The following ERCC6L variants were observed in gnomAD, a reference collection of about 807,000 sequenced individuals.
ERCC6L encodes the protein DNA excision repair protein ERCC-6-like.
A neutral mutation model predicts 20.1 loss-of-function variants in ERCC6L; 7 were observed. The observed-to-expected ratio is 0.35, with a 90% CI of 0.20 to 0.65. ERCC6L has a LOEUF of 0.65. ERCC6L is among the 30% of genes least tolerant of loss of function. The pLI is 0.69. For synonymous variants in ERCC6L, 278 were observed against 331.3 expected (o/e 0.84, Z 1.75); for missense variants, 592 against 892.4 (o/e 0.66, Z 4.29).
intron 1 of ERCC6L, among the ~76,000 whole-genome samples, chrX:72,219,773 C>T (rs978065494): frequency 3.8e-5 from 4 of 105,792 alleles, no homozygotes; most frequent in Non-Finnish European, 7.7e-5. Context: ...CACTTGAACC[C>T]GGGAGGCAGA....
At position 72,204,971 on chromosome X, in the gene ERCC6L, CAT is replaced by C. The variant is rs1168385625; in HGVS notation, c.*41_*42del. 6.6e-6 allele frequency: 7 copies of C among 1,064,428 alleles called. No homozygotes were observed. The Middle Eastern group carries it at 1.3e-3, about 204-fold the overall frequency. The allele number at this position is 1,064,428 out of a possible 1,213,427, so 87.7% of individuals were successfully genotyped here. A position where few individuals can be genotyped will look rare whatever the true frequency, so the allele number is the denominator to read the frequency against. On this transcript the variant is annotated 3_prime_UTR_variant, in exon 2 of 2. Coordinates refer to ENST00000334463, the MANE Select transcript of ERCC6L (RefSeq NM_017669.4). The stretch of plus-strand genomic sequence containing the variant: ...CCAATTATGGGAACAAAAATTCCCT[CAT>C]ATTCAGTTTCACTTTAAAATACAAT...
At chrX:72,218,739 G>T (rs1227041080) in intron 1 of ERCC6L, among the ~76,000 whole-genome samples, 1 of 111,551 alleles carries the variant, frequency 9.0e-6, no homozygotes, top group African/African-American at 3.3e-5. Context: ...AAAAAAGCCA[G>T]CTGAGATTTT....
intron 1 of ERCC6L, among the ~76,000 whole-genome samples, chrX:72,219,193 T>G (rs1003678861): frequency 2.7e-5 from 3 of 109,893 alleles, no homozygotes; most frequent in African/African-American, 1.0e-4. Context: ...GAGGTGGAGG[T>G]TGCAGAGAGC....
intron 1 of ERCC6L, among the ~76,000 whole-genome samples, chrX:72,238,152 GGAT>G (rs1395463402): frequency 9.0e-6 from 1 of 111,626 alleles, no homozygotes; most frequent in African/African-American, 3.3e-5. Flanking sequence ...AAAATGGTTA[GGAT>G]GATAAACTTT....
chrX:72,214,339 C>T (rs975854724), intron 1 of ERCC6L, among the ~76,000 whole-genome samples: 1 of 112,333 alleles, frequency 8.9e-6, no homozygotes, highest in African/African-American at 3.2e-5. Context: ...CCCTGCTTAG[C>T]GCCATTTATA....
intron 1 of ERCC6L, among the ~76,000 whole-genome samples, chrX:72,218,400 G>A (rs761999015): frequency 4.5e-5 from 5 of 110,923 alleles, no homozygotes; most frequent in Non-Finnish European, 9.4e-5. Flanking sequence ...GAGGCACCAC[G>A]GTCGGCTAAA....
At position 72,205,220 on chromosome X, in the gene ERCC6L, C is replaced by G. The variant is rs1190654281; in HGVS notation, c.3547G>C (p.Glu1183Gln). ...SLGAPEPLSG[E>Q]QLVGSPQDKA... ...TCCTGGGGAGAACCAACCAACTGTTCACCAGACAAAGGCTCAGGGGCACCA... is the reference window on the plus strand; with the variant it reads ...TCCTGGGGAGAACCAACCAACTGTTGACCAGACAAAGGCTCAGGGGCACCA... Residue 1183 changes from glutamate to glutamine, a missense_variant, in exon 2 of 2, where the codon GAA becomes CAA. Glu to Gln is a conservative substitution (Grantham distance 29). Around this residue, in one of 3 missense-constraint regions of ERCC6L, gnomAD observed 352 missense variants for 402.6 expected, o/e 0.87. Coordinates refer to ENST00000334463, the MANE Select transcript of ERCC6L (RefSeq NM_017669.4). 1.7e-6 allele frequency: 2 copies of G among 1,211,779 alleles called. No homozygotes were observed. The highest frequency in any genetic ancestry group is 2.2e-5 in the Admixed American group (1 of 45,988).
chrX:72,205,739 G>T lies in ERCC6L; in HGVS notation c.3028C>A (p.Pro1010Thr), dbSNP rs1474162780. ...TTTGCTTTAACTACTACTTCTTCTG[G>T]TTCATCGTCTTTCTCAGAAAACTCC... ...SWEFSEKDDEPEEVVVKAKIR... is the reference protein window; with the variant it reads ...SWEFSEKDDETEEVVVKAKIR... The change falls in exon 2 of 2, where the codon CCA (proline) becomes ACA (threonine). Residue 1010 changes from proline (P) to threonine (T), a missense_variant. Around this residue, in one of 3 missense-constraint regions of ERCC6L, gnomAD observed 352 missense variants for 402.6 expected, o/e 0.87. Transcript: ENST00000334463. 1.7e-6 allele frequency: 2 copies of T among 1,211,192 alleles called. No individual in the cohort carries two copies. Among genetic ancestry groups the T allele is most frequent in the South Asian group, 3.5e-5 (2 of 56,956 alleles).
intron 1 of ERCC6L, among the ~76,000 whole-genome samples, chrX:72,222,599 T>C (rs920447614): frequency 3.7e-4 from 38 of 104,060 alleles, no homozygotes; most frequent in East Asian, 9.3e-4. Flanking sequence ...TCCAGCCTTT[T>C]TTTTTTTTTT....
intron 1 of ERCC6L, among the ~76,000 whole-genome samples, chrX:72,222,396 C>G (rs968925414): frequency 1.8e-5 from 2 of 111,416 alleles, no homozygotes; most frequent in Non-Finnish European, 3.8e-5. Flanking sequence ...CATAACCAAG[C>G]CCCTATATAA....
At position 72,206,447 on chromosome X, in the gene ERCC6L, T is replaced by C; in HGVS notation, c.2320A>G (p.Ser774Gly). 8 of 1,211,003 alleles carry C rather than the reference T, an allele frequency of 6.6e-6. No homozygotes were observed. Among genetic ancestry groups the C allele is most frequent in the Non-Finnish European group, 8.9e-6 (8 of 895,194 alleles). Residue 774 changes from serine (S) to glycine (G), a missense_variant, in exon 2 of 2, where the codon AGT becomes GGT. By Grantham distance (56) the Ser-to-Gly change is moderately conservative. Coordinates refer to ENST00000334463, the MANE Select transcript of ERCC6L (RefSeq NM_017669.4). ...QEEDISSKMA[S>G]VVIDDLPKEG... The stretch of plus-strand genomic sequence containing the variant: ...TTGGGCAGATCATCAATGACTACAC[T>C]TGCCATTTTGGAACTGATATCTTCT...
Position 72,205,682 on chromosome X carries a change from C to T in ERCC6L, c.3085G>A (p.Asp1029Asn). ...AAAGAATCATCTTCATCTTCGCCATCTGAAACAATCCTTCTAGCTTTACTT... is the reference window on the plus strand; with the variant it reads ...AAAGAATCATCTTCATCTTCGCCATTTGAAACAATCCTTCTAGCTTTACTT... ...IRSKARRIVS[D>N]GEDEDDSFKD... The change falls in exon 2 of 2, where the codon GAT becomes AAT. Residue 1029 changes from aspartate to asparagine, a missense_variant. Around this residue, in one of 3 missense-constraint regions of ERCC6L, gnomAD observed 352 missense variants for 402.6 expected, o/e 0.87. Transcript: ENST00000334463. 1 of 1,212,012 alleles carries T rather than the reference C, an allele frequency of 8.3e-7. No homozygotes were observed. The highest frequency in any genetic ancestry group is 1.7e-5 in the African/African-American group (1 of 57,928).
chrX:72,218,185 G>A (rs1263634245), intron 1 of ERCC6L, among the ~76,000 whole-genome samples: 2 of 108,295 alleles, frequency 1.8e-5, no homozygotes, highest in Non-Finnish European at 1.9e-5. Context: ...CAGGAGAATG[G>A]TGGGAACCTG....
At chrX:72,213,539 C>T (rs974510289) in intron 1 of ERCC6L, among the ~76,000 whole-genome samples, 13 of 111,771 alleles carry the variant, frequency 1.2e-4, no homozygotes, top group Admixed American at 3.8e-4. Context: ...TTTCGCTCAC[C>T]GTCCACCACT....
In ERCC6L at chrX:72,205,547, A is replaced by G. The variant is rs2042813080; in HGVS notation, c.3220T>C (p.Phe1074Leu). ...CTACTGGGTATTTGAGATGAAAAGA[A>G]CCTTCCTGGTGGACTGATGTCATTT... ...PKNDISPPGR[F>L]FSSQIPSSVN... is the part of the protein sequence containing the mutation. The change falls in exon 2 of 2, where the codon TTC becomes CTC. Residue 1074 changes from phenylalanine (F) to leucine (L), a missense_variant. By Grantham distance (22) the Phe-to-Leu change is conservative. This residue lies in a region of ERCC6L where 352 missense variants were observed against 402.6 expected (regional missense o/e 0.87). Transcript: ENST00000334463. The G allele has an allele frequency of 8.3e-7, 1 of 1,211,021 alleles. No homozygotes were observed. The highest frequency in any genetic ancestry group is 1.1e-6 in the Non-Finnish European group (1 of 894,993).
chrX:72,233,962 T>G (rs1426453282), intron 1 of ERCC6L, among the ~76,000 whole-genome samples: 2 of 108,713 alleles, frequency 1.8e-5, no homozygotes, highest in African/African-American at 3.4e-5. Flanking sequence ...AATACAATAA[T>G]TAGCCTGGCG....
chrX:72,205,097 C>T lies in ERCC6L; in HGVS notation c.3670G>A (p.Val1224Ile). The T allele has an allele frequency of 8.3e-7, 1 of 1,211,750 alleles. No homozygotes were observed. The stretch of plus-strand genomic sequence containing the variant: ...GCACTTTTTATGTCAAGCGCTTTAA[C>T]TAAGCAGTTTAGGGCCTCCTGGATT... ...GKIQEALNCL[V>I]KALDIKSADP... The change falls in exon 2 of 2, where the codon GTT (valine) becomes ATT (isoleucine). Residue 1224 changes from valine to isoleucine, a missense_variant. Val to Ile is a conservative substitution (Grantham distance 29, BLOSUM62 3). Around this residue, in one of 3 missense-constraint regions of ERCC6L, gnomAD observed 352 missense variants for 402.6 expected, o/e 0.87. Coordinates refer to ENST00000334463, the MANE Select transcript of ERCC6L (RefSeq NM_017669.4).
chrX:72,222,319 C>T (rs1330218272), intron 1 of ERCC6L, among the ~76,000 whole-genome samples: 1 of 111,601 alleles, frequency 9.0e-6, no homozygotes, highest in Non-Finnish European at 1.9e-5. Context: ...TAATTTTAAC[C>T]TCCACCCTCA....
rs2042809835 is a variant in ERCC6L, at chrX:72,205,183, T to C, written c.3584A>G (p.Glu1195Gly). ...AAGAGTCTCATAGTCATTTGTAGCC[T>C]CTGCCGCCTTATCCTGGGGAGAACC... ...LVGSPQDKAA[E>G]ATNDYETLVK... The change falls in exon 2 of 2, where the codon GAG becomes GGG. Residue 1195 changes from glutamate (E) to glycine (G), a missense_variant. Physicochemically the swap from Glu to Gly is moderately conservative, Grantham distance 98 (BLOSUM62 -2). Transcript: ENST00000334463. 1 of 1,210,058 alleles carries C rather than the reference T, an allele frequency of 8.3e-7. No homozygotes were observed. Among genetic ancestry groups the C allele is most frequent in the African/African-American group, 1.7e-5 (1 of 57,253 alleles).
Sources: gnomAD v4.1 joint callset for allele counts (sites outside exome capture counted in the v4.1 genomes callset) on GRCh38, gnomAD v4.1.1 for gene constraint, gnomAD v4.1.1 regional missense constraint, MANE v1.5 for transcripts, NCBI Gene and HGNC (gene_info 2026-07-23, HGNC 2026-07-21) for gene names.